The following ANKS1B variants were observed in gnomAD, a reference collection of about 807,000 sequenced individuals.
ANKS1B encodes ankyrin repeat and sterile alpha motif domain-containing protein 1B.
A neutral mutation model predicts 148.3 loss-of-function variants in ANKS1B; 36 were observed. The observed-to-expected ratio is 0.24, with a 90% CI of 0.19 to 0.32. ANKS1B has a LOEUF of 0.32. Ranked by LOEUF, ANKS1B falls within the 10% of genes least tolerant of loss-of-function variation. ANKS1B has a pLI of 1.00. For synonymous variants in ANKS1B, 542 were observed against 560.8 expected, an observed-to-expected ratio of 0.97 and a Z score of 0.47; for missense variants, 1,157 against 1,542.6, an observed-to-expected ratio of 0.75 and a Z score of 4.19.
chr12:99,767,070 G>A (rs1873046788), intron 8 of ANKS1B, among the ~76,000 whole-genome samples: 1 of 152,006 alleles, frequency 6.6e-6, no homozygotes. Flanking sequence ...CACTCCCAGA[G>A]AGTATTCTCA....
At chr12:99,410,884 G>A (rs1395252778) in intron 11 of ANKS1B, among the ~76,000 whole-genome samples, 3 of 152,054 alleles carry the variant, frequency 2.0e-5, no homozygotes, top group African/African-American at 4.8e-5. Context: ...GCTACTTAAC[G>A]TATTGCTCCC....
chr12:99,746,975 A>G (rs1381620377), intron 8 of ANKS1B, among the ~76,000 whole-genome samples: 1 of 152,114 alleles, frequency 6.6e-6, no homozygotes, highest in Non-Finnish European at 1.5e-5. Context: ...AACTGGAACT[A>G]CAAATCCCTG....
intron 12 of ANKS1B, among the ~76,000 whole-genome samples, chr12:99,338,971 A>C (rs2089449997): frequency 1.3e-5 from 2 of 152,156 alleles, no homozygotes; most frequent in Non-Finnish European, 2.9e-5. Context: ...AGTCTCTCTC[A>C]GAACTGTGGG....
chr12:99,210,264 C>T (rs2083176070), intron 14 of ANKS1B, among the ~76,000 whole-genome samples: 2 of 152,188 alleles, frequency 1.3e-5, no homozygotes, highest in South Asian at 4.1e-4. Flanking sequence ...AGCCACTTGT[C>T]ATGTTTCTTT....
intron 10 of ANKS1B, among the ~76,000 whole-genome samples, chr12:99,470,426 T>C (rs997455346): frequency 2.6e-5 from 4 of 152,138 alleles, no homozygotes; most frequent in African/African-American, 7.2e-5. Flanking sequence ...GTTATGGAGT[T>C]TAGTTTTCCT....
At chr12:99,503,658 T>G (rs991636975) in intron 10 of ANKS1B, among the ~76,000 whole-genome samples, 2 of 152,176 alleles carry the variant, frequency 1.3e-5, no homozygotes, top group Non-Finnish European at 2.9e-5. Context: ...CATTTCCCAG[T>G]GTCTTATTTC....
intron 17 of ANKS1B, among the ~76,000 whole-genome samples, chr12:99,029,131 G>C (rs372393603): frequency 6.6e-6 from 1 of 152,176 alleles, no homozygotes; most frequent in Non-Finnish European, 1.5e-5. Context: ...TAATAAAAAA[G>C]AAATAAAAGA....
chr12:99,810,140 G>C (rs906032819), intron 3 of ANKS1B, among the ~76,000 whole-genome samples: 3 of 152,010 alleles, frequency 2.0e-5, no homozygotes, highest in Non-Finnish European at 1.5e-5. Context: ...CTCAGTTTCA[G>C]TCACTCAGTA....
chr12:99,107,656 C>T (rs1278975579), intron 15 of ANKS1B, among the ~76,000 whole-genome samples: 5 of 152,172 alleles, frequency 3.3e-5, no homozygotes, highest in Non-Finnish European at 7.3e-5. Flanking sequence ...ACCGAGCTAT[C>T]CAGAAATCGC....
chr12:99,956,277 CAAAAA>C (rs60549978), intron 1 of ANKS1B, among the ~76,000 whole-genome samples: 1 of 90,162 alleles, frequency 1.1e-5, no homozygotes, highest in Non-Finnish European at 2.2e-5. Context: ...GACTCTGTCT[CAAAAA>C]AAAAAAAAAA....
intron 16 of ANKS1B, among the ~76,000 whole-genome samples, chr12:99,072,185 C>T (rs933463414): frequency 5.3e-5 from 8 of 152,046 alleles, no homozygotes; most frequent in South Asian, 2.1e-4. Context: ...TTTTTAGTCA[C>T]GGACTCTCTT....
chr12:99,598,593 G>T (rs2097776106), intron 9 of ANKS1B, among the ~76,000 whole-genome samples: 1 of 152,012 alleles, frequency 6.6e-6, no homozygotes, highest in Non-Finnish European at 1.5e-5. Context: ...TAAACATACA[G>T]ATGTTAAAAT....
intron 12 of ANKS1B, among the ~76,000 whole-genome samples, chr12:99,386,022 G>C (rs981962870): frequency 6.6e-6 from 1 of 152,096 alleles, no homozygotes; most frequent in Non-Finnish European, 1.5e-5. Flanking sequence ...TCTATTATTA[G>C]CTTTCCATAG....
intron 19 of ANKS1B, among the ~76,000 whole-genome samples, chr12:98,819,144 G>GAA (rs1188769325): frequency 6.6e-6 from 1 of 152,224 alleles, no homozygotes; most frequent in East Asian, 1.9e-4. Context: ...CTAAGTCTTA[G>GAA]AAAGGTCTTG....
At chr12:99,733,588 A>C (rs1346005507) in intron 8 of ANKS1B, among the ~76,000 whole-genome samples, 1 of 152,188 alleles carries the variant, frequency 6.6e-6, no homozygotes, top group Non-Finnish European at 1.5e-5. Context: ...AACATTTTAC[A>C]TTGTCTTTCT....
At chr12:99,814,540 T>C (rs1005952131) in intron 2 of ANKS1B, among the ~76,000 whole-genome samples, 2 of 151,730 alleles carry the variant, frequency 1.3e-5, no homozygotes, top group African/African-American at 2.4e-5. Flanking sequence ...GGTTGTTATA[T>C]AGGGTCTTCC....
At chr12:98,948,060 T>TA (rs566067614) in intron 17 of ANKS1B, among the ~76,000 whole-genome samples, 121 of 148,638 alleles carry the variant, frequency 8.1e-4, no homozygotes, top group African/African-American at 2.1e-3. Context: ...GTGCAATTAT[T>TA]AAAAAAAAAA....
At chr12:99,023,585 G>C (rs1435972076) in intron 17 of ANKS1B, among the ~76,000 whole-genome samples, 1 of 151,736 alleles carries the variant, frequency 6.6e-6, no homozygotes, top group East Asian at 1.9e-4. Context: ...GTTTCACCAA[G>C]GATGCACTGT....
chr12:99,189,208 C>A (rs1258282884), intron 14 of ANKS1B, among the ~76,000 whole-genome samples: 1 of 152,046 alleles, frequency 6.6e-6, no homozygotes, highest in Admixed American at 6.6e-5. Context: ...GAATAGCCTA[C>A]CAACCAAAAA....
Sources: gnomAD v4.1 joint callset for allele counts (sites outside exome capture counted in the v4.1 genomes callset) on GRCh38, gnomAD v4.1.1 for gene constraint, MANE v1.5 for transcripts, NCBI Gene and HGNC (gene_info 2026-07-23, HGNC 2026-07-21) for gene names.